KPNA1: variants seen among roughly 807,000 people sequenced by gnomAD.
The protein encoded by KPNA1 is importin subunit alpha-5.
KPNA1 carries 10 observed loss-of-function variants against 70.5 expected under a neutral mutation model. The observed-to-expected ratio is 0.14, with a 90% CI of 0.09 to 0.24. The LOEUF (loss-of-function observed/expected upper bound fraction) is 0.24, where lower values mean the gene tolerates loss of function less well. Ranked by LOEUF, KPNA1 falls within the 10% of genes least tolerant of loss-of-function variation. The pLI is 1.00. For missense variants in KPNA1, 397 were observed against 637.9 expected, an observed-to-expected ratio of 0.62 and a Z score of 4.07; for synonymous variants, 192 against 221.9, an observed-to-expected ratio of 0.87 and a Z score of 1.20.
At chr3:122,444,874 C>A (rs750469177) in intron 9 of KPNA1, among the ~76,000 whole-genome samples, 1 of 152,142 alleles carries the variant, frequency 6.6e-6, no homozygotes, top group South Asian at 2.1e-4. Context: ...AAAAAGGACA[C>A]CCACACCAAA....
intron 5 of KPNA1, among the ~76,000 whole-genome samples, chr3:122,454,272 G>A (rs2076242896): frequency 6.6e-6 from 1 of 152,090 alleles, no homozygotes. Flanking sequence ...ATGCTGATAT[G>A]GTATGATCTC....
At chr3:122,488,235 C>T (rs1190841129) in intron 2 of KPNA1, among the ~76,000 whole-genome samples, 1 of 152,072 alleles carries the variant, frequency 6.6e-6, no homozygotes, top group Non-Finnish European at 1.5e-5. Context: ...AAATCTTTAT[C>T]CGGGACTGGG....
At chr3:122,510,041 T>C (rs1446113501) in intron 1 of KPNA1, among the ~76,000 whole-genome samples, 2 of 152,154 alleles carry the variant, frequency 1.3e-5, no homozygotes, top group African/African-American at 4.8e-5. Context: ...AGAGTAACCC[T>C]GGAAGAAAGA....
intron 12 of KPNA1, among the ~76,000 whole-genome samples, chr3:122,428,438 T>C (rs1007130471): frequency 3.9e-5 from 6 of 152,198 alleles, no homozygotes; most frequent in East Asian, 1.9e-4. Flanking sequence ...TTCTCACATA[T>C]TGCTTTTTTG....
chr3:122,498,007 A>G (rs990571084), intron 1 of KPNA1, among the ~76,000 whole-genome samples: 1 of 152,196 alleles, frequency 6.6e-6, no homozygotes, highest in Non-Finnish European at 1.5e-5. Context: ...CAAGAGTTTT[A>G]ACTGATACAT....
intron 4 of KPNA1, among the ~76,000 whole-genome samples, chr3:122,463,679 T>C (rs957021025): frequency 5.3e-5 from 8 of 152,216 alleles, no homozygotes. Context: ...ATTAACATGA[T>C]ACTGACTACT....
chr3:122,510,102 C>G (rs2076938845), intron 1 of KPNA1, among the ~76,000 whole-genome samples: 1 of 152,150 alleles, frequency 6.6e-6, no homozygotes, highest in Non-Finnish European at 1.5e-5. Context: ...ACTTTCAACT[C>G]AGAATTTTAT....
In KPNA1 at chr3:122,463,385, G is replaced by A. The variant is rs1365738311; in HGVS notation, c.337+557C>T. Among the ~76,000 whole-genome samples, 9 of 151,618 alleles carry A rather than the reference G, an allele frequency of 5.9e-5. No individual in the cohort carries two copies. In the East Asian group the frequency reaches 1.7e-3, roughly 29 times the overall value. On this transcript the variant is annotated intron_variant, in intron 4 of 13. Transcript: ENST00000344337. ...AAAATACAAAAATTAGCTGGGGGTG[G>A]TGGCGTGTAACTGTAATCCCAGCTA...
rs1338571563 is a variant in KPNA1, at chr3:122,423,442, T to C, written c.*3543A>G. The C allele has an allele frequency of 6.6e-6, 1 of 152,252 alleles. No homozygotes were observed. Among genetic ancestry groups the C allele is most frequent in the African/African-American group, 2.4e-5 (1 of 41,438 alleles). 9.4% of individuals were successfully genotyped at this position (152,252 alleles called of 1,614,324 possible). A position where few individuals can be genotyped will look rare whatever the true frequency, so the allele number is the denominator to read the frequency against. On this transcript the variant is annotated 3_prime_UTR_variant, in exon 14 of 14. Coordinates refer to ENST00000344337, the MANE Select transcript of KPNA1 (RefSeq NM_002264.4). ...TGCTGGTTTCTAAAAGTGGATCCCT[T>C]TTCTTCACTGAACATCATCCTTAGA...
intron 1 of KPNA1, among the ~76,000 whole-genome samples, chr3:122,511,561 G>A (rs1324241094): frequency 6.6e-6 from 1 of 152,056 alleles, no homozygotes; most frequent in African/African-American, 2.4e-5. Context: ...CTCTTCCAAT[G>A]TACAACCTCA....
At chr3:122,453,794 T>C (rs2076238189) in intron 6 of KPNA1, 76 bp downstream of exon 6, 1 of 1,426,834 alleles carries the variant, frequency 7.0e-7, no homozygotes, top group Non-Finnish European at 9.4e-7. Context: ...CCTCCCAAAA[T>C]GTTGGGATTA....
At chr3:122,459,944 G>C in intron 5 of KPNA1, 1 of 985,376 alleles carries the variant, frequency 1.0e-6, no homozygotes, top group Non-Finnish European at 1.2e-6. Flanking sequence ...GGGGACAGGA[G>C]CTATCACTTA....
At chr3:122,459,579 GA>G (rs529143009) in intron 5 of KPNA1, 2 of 985,426 alleles carry the variant, frequency 2.0e-6, no homozygotes, top group African/African-American at 1.7e-5. Context: ...TTTATCCTGA[GA>G]AAAGTCTCTC....
chr3:122,438,159 G>A (rs572475880), intron 10 of KPNA1, among the ~76,000 whole-genome samples: 152 of 152,156 alleles, frequency 1.0e-3, no homozygotes, highest in Non-Finnish European at 1.9e-3. Context: ...AATGGTCAGC[G>A]CCATCCCCAT....
At chr3:122,439,227 G>A (rs1245472763) in intron 10 of KPNA1, among the ~76,000 whole-genome samples, 1 of 152,132 alleles carries the variant, frequency 6.6e-6, no homozygotes, top group Non-Finnish European at 1.5e-5. Flanking sequence ...CTATCACTAA[G>A]GCTGGAGTGT....
At chr3:122,487,896 ATT>A (rs1311037571) in intron 2 of KPNA1, among the ~76,000 whole-genome samples, 1 of 152,156 alleles carries the variant, frequency 6.6e-6, no homozygotes, top group East Asian at 1.9e-4. Context: ...AAGAGGAAAA[ATT>A]TTTTCACCAA....
At chr3:122,447,610 C>A (rs2076154270) in intron 9 of KPNA1, among the ~76,000 whole-genome samples, 1 of 152,188 alleles carries the variant, frequency 6.6e-6, no homozygotes, top group Non-Finnish European at 1.5e-5. Context: ...TGAAAACCAG[C>A]ACAAGACAAG....
chr3:122,464,165 T>C, intron 3 of KPNA1, 124 bp from the exon 4 acceptor site: 2 of 463,200 alleles, frequency 4.3e-6, no homozygotes, highest in Middle Eastern at 4.2e-4. Context: ...TACATAAAGG[T>C]AGGACAATCT....
intron 1 of KPNA1, among the ~76,000 whole-genome samples, chr3:122,501,382 A>G (rs2076827823): frequency 6.6e-6 from 1 of 152,150 alleles, no homozygotes; most frequent in Non-Finnish European, 1.5e-5. Context: ...GCACTGCTTT[A>G]GCTGTATCCC....
Sources: gnomAD v4.1 joint callset for allele counts (sites outside exome capture counted in the v4.1 genomes callset) on GRCh38, gnomAD v4.1.1 for gene constraint, MANE v1.5 for transcripts, NCBI Gene and HGNC (gene_info 2026-07-23, HGNC 2026-07-21) for gene names.